The following GBF1 variants were observed in gnomAD, a reference collection of about 807,000 sequenced individuals.
GBF1 encodes the protein Golgi-specific brefeldin A-resistance guanine nucleotide exchange factor 1.
A neutral mutation model predicts 210.5 loss-of-function variants in GBF1; 114 were observed. The ratio of observed to expected loss-of-function variants is 0.54; its 90% confidence interval spans 0.47 to 0.63. The LOEUF is 0.63. Ranked by LOEUF, GBF1 falls within the 30% of genes least tolerant of loss-of-function variation. The pLI is 0.00. For synonymous variants in GBF1, 850 were observed against 889.2 expected, an observed-to-expected ratio of 0.96 and a Z score of 0.78; for missense variants, 1,851 against 2,357.7, an observed-to-expected ratio of 0.79 and a Z score of 4.45.
chr10:102,354,896 G>A, intron 8 of GBF1, among the ~76,000 whole-genome samples: 1 of 149,988 alleles, frequency 6.7e-6, no homozygotes, highest in South Asian at 2.1e-4. Context: ...GGAAAGGGTA[G>A]TCCATCTAGT....
intron 3 of GBF1, among the ~76,000 whole-genome samples, chr10:102,328,152 A>G (rs1165382294): frequency 6.6e-6 from 1 of 152,146 alleles, no homozygotes; most frequent in Non-Finnish European, 1.5e-5. Flanking sequence ...CCCTTATCAT[A>G]AAGTTCTTGA....
At chr10:102,340,328 A>G (rs2058091361) in intron 3 of GBF1, among the ~76,000 whole-genome samples, 1 of 137,656 alleles carries the variant, frequency 7.3e-6, no homozygotes, top group Non-Finnish European at 1.5e-5. Flanking sequence ...GCTGGAGTGC[A>G]GTGGCACGAT....
chr10:102,278,549 T>C (rs1372641515), intron 3 of GBF1, among the ~76,000 whole-genome samples: 1 of 152,250 alleles, frequency 6.6e-6, no homozygotes, highest in Non-Finnish European at 1.5e-5. Flanking sequence ...ACATGTGATA[T>C]TTTGATACAT....
At chr10:102,354,959 A>C (rs1347329826) in intron 8 of GBF1, among the ~76,000 whole-genome samples, 1 of 149,718 alleles carries the variant, frequency 6.7e-6, no homozygotes, top group Admixed American at 6.7e-5. Context: ...AGGTCATTCC[A>C]AGGATTAGAA....
chr10:102,237,059 A>G, the GBF1 span, among the ~76,000 whole-genome samples: 14 of 152,042 alleles, frequency 9.2e-5, no homozygotes, highest in Non-Finnish European at 1.5e-4. Flanking sequence ...CAGAGAAATG[A>G]CTCCACAGTC....
At chr10:102,370,341 G>C (rs767392455) in intron 27 of GBF1, 43 bp from the exon 28 acceptor site, 12 of 1,518,258 alleles carry the variant, frequency 7.9e-6, no homozygotes, top group Non-Finnish European at 1.1e-5. Flanking sequence ...CCAGTGGTTG[G>C]CTTCTTTTCC....
chr10:102,371,976 G>A (rs542104331), intron 29 of GBF1, among the ~76,000 whole-genome samples: 2 of 151,572 alleles, frequency 1.3e-5, no homozygotes, highest in East Asian at 1.9e-4. Flanking sequence ...TGTCCACTTT[G>A]GGGGGCTGAG....
chr10:102,290,780 C>T (rs554512885), intron 3 of GBF1, among the ~76,000 whole-genome samples: 2 of 152,228 alleles, frequency 1.3e-5, no homozygotes, highest in African/African-American at 2.4e-5. Flanking sequence ...GTTGGGATTA[C>T]AGGCGTGAGC....
At chr10:102,333,710 AG>A (rs2057507874) in intron 3 of GBF1, among the ~76,000 whole-genome samples, 1 of 152,082 alleles carries the variant, frequency 6.6e-6, no homozygotes. Flanking sequence ...TACAGGTGTA[AG>A]CCACCACACC....
rs2078954485 is a variant in GBF1, at chr10:102,316,579, T to C, written c.164-27472T>C. Among the ~76,000 whole-genome samples, 8 of 152,306 alleles carry C rather than the reference T, an allele frequency of 5.3e-5. No individual in the cohort carries two copies. The South Asian group carries it at 1.7e-3, about 32-fold the overall frequency. On this transcript the variant is annotated intron_variant, in intron 3 of 39. Coordinates refer to ENST00000369983, the MANE Select transcript of GBF1 (RefSeq NM_001377137.1). ...ATTTAGGTCTTCAGTGAGTCACAGA[T>C]ATAAAACTGTGCCACAGTTAACGAG...
chr10:102,231,600 C>T, the GBF1 span: 2 of 1,604,218 alleles, frequency 1.2e-6, no homozygotes, highest in Non-Finnish European at 1.7e-6. Flanking sequence ...GCACGCGGGC[C>T]TCGGTGAGGT....
intron 3 of GBF1, among the ~76,000 whole-genome samples, chr10:102,306,456 T>C (rs2133907010): frequency 6.6e-6 from 1 of 152,268 alleles, no homozygotes; most frequent in South Asian, 2.1e-4. Flanking sequence ...GGAGTTCTGC[T>C]CTTGTCGCCC....
In GBF1 at chr10:102,358,039, C is replaced by T; in HGVS notation, c.640C>T (p.Leu214=). The stretch of plus-strand genomic sequence containing the variant: ...TGCTAATGGGGTATGATATTTCCAG[C>T]TGAAAATGAGAGCCGGAGGCATGAG... ...KNYVGTNMKK[L]KMRAGGMSDS... The change falls in exon 9 of 40, where the codon CTG becomes TTG. Residue 214 remains leucine, a splice_region_variant and synonymous_variant. Coordinates refer to ENST00000369983, the MANE Select transcript of GBF1 (RefSeq NM_001377137.1). 1 of 1,596,228 alleles carries T rather than the reference C, an allele frequency of 6.3e-7. No homozygotes were observed. The highest frequency in any genetic ancestry group is 8.6e-7 in the Non-Finnish European group (1 of 1,163,772).
At chr10:102,330,771 G>C (rs1283839258) in intron 3 of GBF1, among the ~76,000 whole-genome samples, 1 of 152,148 alleles carries the variant, frequency 6.6e-6, no homozygotes, top group African/African-American at 2.4e-5. Flanking sequence ...CAATGAAATG[G>C]GATTCTTGTG....
chr10:102,247,961 C>T (rs891547463), intron 1 of GBF1, among the ~76,000 whole-genome samples: 10 of 152,192 alleles, frequency 6.6e-5, no homozygotes, highest in Admixed American at 5.9e-4. Flanking sequence ...ATGACTGCCA[C>T]TTTCACATAA....
intron 1 of GBF1, among the ~76,000 whole-genome samples, chr10:102,257,891 G>A (rs1402383377): frequency 6.6e-6 from 1 of 152,158 alleles, no homozygotes; most frequent in African/African-American, 2.4e-5. Flanking sequence ...CACCATGTCT[G>A]GCCAGAAATA....
upstream of GBF1, among the ~76,000 whole-genome samples, chr10:102,245,352 C>A (rs1294075431): frequency 6.6e-6 from 1 of 152,196 alleles, no homozygotes; most frequent in South Asian, 2.1e-4. Context: ...CGTTGGTTGT[C>A]CCCTAACATA....
rs748651351 is a variant in GBF1, at chr10:102,351,841, A to G, written c.415-2A>G. On this transcript the variant is annotated splice_acceptor_variant, in intron 5 of 39. Transcript: ENST00000369983. LOFTEE classifies it high-confidence loss of function. Reference sequence around the variant, plus strand: ...ACAGTAATTCCTTTTTCTTCCTGATAGGTTCTACGGACTCTGCTGCTAACC... The same window carrying G: ...ACAGTAATTCCTTTTTCTTCCTGATGGGTTCTACGGACTCTGCTGCTAACC... 6.5e-7 allele frequency: 1 copy of G among 1,534,566 alleles called. No homozygotes were observed.
At chr10:102,337,135 T>A (rs527929069) in intron 3 of GBF1, among the ~76,000 whole-genome samples, 1 of 151,686 alleles carries the variant, frequency 6.6e-6, no homozygotes, top group East Asian at 1.9e-4. Flanking sequence ...TCCCAGCACT[T>A]TGGGAGGCCG....
Sources: allele counts gnomAD v4.1 joint callset (sites outside exome capture counted in the v4.1 genomes callset), GRCh38; gene constraint gnomAD v4.1.1; transcripts MANE v1.5; gene names NCBI Gene and HGNC (gene_info 2026-07-23, HGNC 2026-07-21).